PGM5: variants seen among roughly 807,000 people sequenced by gnomAD.
The protein encoded by PGM5 is phosphoglucomutase 5, also known as phosphoglucomutase-like protein 5.
Under a neutral mutation model 59.2 loss-of-function variants are expected in PGM5, and 23 were observed. The observed-to-expected ratio is 0.39, with a 90% confidence interval of 0.28 to 0.55. The LOEUF (loss-of-function observed/expected upper bound fraction) is 0.55. Among genes scored for constraint, PGM5 ranks in the 20% least tolerant of loss-of-function variants. The probability of loss-of-function intolerance (pLI) is 0.66; values close to 1 mark genes in which losing one functional copy is unlikely to be tolerated. For missense variants in PGM5, 574 were observed against 748.3 expected, an observed-to-expected ratio of 0.77 and a Z score of 2.72; for synonymous variants, 214 against 286.0, an observed-to-expected ratio of 0.75 and a Z score of 2.54.
chr9:68,519,581 A>G (rs1455314516), intron 10 of PGM5, among the ~76,000 whole-genome samples: 2 of 151,882 alleles, frequency 1.3e-5, no homozygotes, highest in Non-Finnish European at 2.9e-5. Context: ...AGCTAGGTCA[A>G]TTTCATCCAT....
At chr9:68,389,058 G>A (rs530267470) in intron 4 of PGM5, among the ~76,000 whole-genome samples, 60 of 151,886 alleles carry the variant, frequency 4.0e-4, no homozygotes, top group African/African-American at 1.3e-3. Flanking sequence ...CTCCTCCCCA[G>A]TTTTTCATCT....
At chr9:68,491,812 G>A (rs1554687893) in intron 9 of PGM5, among the ~76,000 whole-genome samples, 2 of 152,080 alleles carry the variant, frequency 1.3e-5, no homozygotes, top group African/African-American at 2.4e-5. Context: ...GATCACCCTG[G>A]GCAACACAGC....
At chr9:68,457,492 TTTC>T (rs1215499211) in intron 6 of PGM5, among the ~76,000 whole-genome samples, 1 of 152,246 alleles carries the variant, frequency 6.6e-6, no homozygotes, top group Non-Finnish European at 1.5e-5. Flanking sequence ...TTCTCTGTTC[TTTC>T]TTCTTCTTTT....
intron 1 of PGM5, among the ~76,000 whole-genome samples, chr9:68,364,060 G>T (rs147912508): frequency 4.9e-4 from 74 of 152,350 alleles, no homozygotes; most frequent in African/African-American, 1.7e-3. Context: ...TTAGCCAAGA[G>T]AAAATGTATT....
intron 10 of PGM5, among the ~76,000 whole-genome samples, chr9:68,523,203 A>T (rs757717195): frequency 6.6e-6 from 1 of 152,180 alleles, no homozygotes; most frequent in Non-Finnish European, 1.5e-5. Context: ...GAGTGGGATC[A>T]TGTGATGCAA....
intron 6 of PGM5, among the ~76,000 whole-genome samples, chr9:68,395,233 A>G (rs1487181547): frequency 6.6e-6 from 1 of 152,064 alleles, no homozygotes; most frequent in Non-Finnish European, 1.5e-5. Flanking sequence ...TTAAAAAAGA[A>G]TTTTCTTTCC....
intron 6 of PGM5, among the ~76,000 whole-genome samples, chr9:68,398,874 C>T (rs780834980): frequency 5.9e-5 from 9 of 152,102 alleles, no homozygotes; most frequent in Admixed American, 1.3e-4. Context: ...TCATACTCAT[C>T]GTTGAACAAT....
intron 7 of PGM5, among the ~76,000 whole-genome samples, chr9:68,473,498 C>T (rs1824054969): frequency 6.6e-6 from 1 of 152,136 alleles, no homozygotes; most frequent in Admixed American, 6.5e-5. Context: ...TGTGTGGCCT[C>T]ATACAGATGA....
At chr9:68,420,290 G>A (rs1554682267) in intron 6 of PGM5, among the ~76,000 whole-genome samples, 1 of 152,196 alleles carries the variant, frequency 6.6e-6, no homozygotes, top group Admixed American at 6.5e-5. Context: ...GTAGTCAGAA[G>A]TAGGTCACAT....
intron 10 of PGM5, among the ~76,000 whole-genome samples, chr9:68,517,715 G>T (rs1008789172): frequency 1.3e-5 from 2 of 152,200 alleles, no homozygotes; most frequent in African/African-American, 4.8e-5. Context: ...GCAGGAAAAT[G>T]ATTACAAAAC....
At chr9:68,408,660 C>A (rs1316459942) in intron 6 of PGM5, among the ~76,000 whole-genome samples, 1 of 152,128 alleles carries the variant, frequency 6.6e-6, no homozygotes, top group African/African-American at 2.4e-5. Flanking sequence ...ATGCCTATGT[C>A]CTGAATGGTA....
chr9:68,498,339 C>G (rs1470172235), intron 9 of PGM5: 1 of 152,156 alleles, frequency 6.6e-6, no homozygotes, highest in African/African-American at 2.4e-5. Flanking sequence ...TCTGATTGTT[C>G]CCCTGGCCCA....
intron 6 of PGM5, among the ~76,000 whole-genome samples, chr9:68,403,115 G>A (rs1393024645): frequency 2.6e-5 from 4 of 152,214 alleles, no homozygotes; most frequent in Non-Finnish European, 5.9e-5. Context: ...CACATAGCAG[G>A]TGAGTGAGCA....
chr9:68,416,002 G>A (rs1478325395), intron 6 of PGM5, among the ~76,000 whole-genome samples: 1 of 151,832 alleles, frequency 6.6e-6, no homozygotes, highest in Non-Finnish European at 1.5e-5. Flanking sequence ...AAAAGGGGCT[G>A]TCCAGTTCAG....
At position 68,516,671 on chromosome 9, in the gene PGM5, G is replaced by A. The variant is rs116915929; in HGVS notation, c.1615-12896G>A. 7.2e-3 allele frequency among the ~76,000 whole-genome samples: 1,101 copies of A among 152,204 alleles called. 11 individuals are homozygous for A. The highest frequency in any genetic ancestry group is 0.012 in the Non-Finnish European group (810 of 67,996). On this transcript the variant is annotated intron_variant, in intron 10 of 10. Coordinates refer to ENST00000396396, the MANE Select transcript of PGM5 (RefSeq NM_021965.4). The stretch of plus-strand genomic sequence containing the variant: ...TGGCAGTCCCTCAACATGGGAGGGG[G>A]AAGAGCACACACTCTCAGGACTCCA...
At chr9:68,517,219 T>C (rs905885581) in intron 10 of PGM5, among the ~76,000 whole-genome samples, 3 of 152,042 alleles carry the variant, frequency 2.0e-5, no homozygotes, top group African/African-American at 7.2e-5. Flanking sequence ...GTTGAGTCCA[T>C]GCTGAGAGTT....
At chr9:68,423,799 G>T (rs574200954) in intron 6 of PGM5, among the ~76,000 whole-genome samples, 2 of 152,234 alleles carry the variant, frequency 1.3e-5, no homozygotes, top group African/African-American at 4.8e-5. Flanking sequence ...CATGGGAAAA[G>T]TGTGGTCACG....
chr9:68,442,796 G>A (rs946625546), intron 6 of PGM5, among the ~76,000 whole-genome samples: 3 of 152,174 alleles, frequency 2.0e-5, no homozygotes, highest in Admixed American at 6.5e-5. Context: ...ATAAGAACAC[G>A]AAAATGTGTT....
At chr9:68,394,094 A>G (rs1554679774) in intron 6 of PGM5, 1 of 152,092 alleles carries the variant, frequency 6.6e-6, no homozygotes, top group African/African-American at 2.4e-5. Context: ...TTACAATGTT[A>G]CTGTATGAGG....
Sources: gnomAD v4.1 joint callset for allele counts (sites outside exome capture counted in the v4.1 genomes callset) on GRCh38, gnomAD v4.1.1 for gene constraint, MANE v1.5 for transcripts, NCBI Gene and HGNC (gene_info 2026-07-23, HGNC 2026-07-21) for gene names.